VPS13B: variants seen among roughly 807,000 people sequenced by gnomAD.
VPS13B encodes the protein vacuolar protein sorting 13 homolog B.
In VPS13B, 285 loss-of-function variants were observed where a neutral mutation model predicts 426.4. The observed-to-expected ratio is 0.67, with a 90% confidence interval of 0.61 to 0.74. VPS13B has a LOEUF of 0.74. VPS13B is among the 30% of genes least tolerant of loss of function. VPS13B has a pLI of 0.00. For synonymous variants in VPS13B, 1,676 were observed against 1,676.4 expected (o/e 1.00, Z 0.01); for missense variants, 4,537 against 4,782.6 (o/e 0.95, Z 1.51).
chr8:99,730,278 C>T (rs1833538994), intron 39 of VPS13B, among the ~76,000 whole-genome samples: 1 of 152,150 alleles, frequency 6.6e-6, no homozygotes, highest in African/African-American at 2.4e-5. Context: ...ATAAAAAGGC[C>T]TGGGGGCTTT....
intron 17 of VPS13B, among the ~76,000 whole-genome samples, chr8:99,193,326 T>C (rs1813709181): frequency 6.6e-6 from 1 of 152,170 alleles, no homozygotes; most frequent in Non-Finnish European, 1.5e-5. Context: ...TGGATAACTT[T>C]TGAGGGTATC....
Position 99,720,985 on chromosome 8 carries a change from G to A in VPS13B, c.6988G>A (p.Val2330Ile), listed in dbSNP as rs1225625819. The change falls in exon 39 of 62, where the codon GTA becomes ATA. Residue 2330 changes from valine (V) to isoleucine (I), a missense_variant. Around this residue, in one of 2 missense-constraint regions of VPS13B, gnomAD observed 4,311 missense variants for 4,474.3 expected, o/e 0.96. Coordinates refer to ENST00000357162, the MANE Select transcript of VPS13B (RefSeq NM_152564.5). ...ACTCACCCTTGTACGAATAACTCCTGTACCTTTTAACACCACAGAGGATCC... is the reference window on the plus strand; with the variant it reads ...ACTCACCCTTGTACGAATAACTCCTATACCTTTTAACACCACAGAGGATCC... Reference protein sequence around the residue: ...RVLTLVRITPVPFNTTEDPDI... With the variant: ...RVLTLVRITPIPFNTTEDPDI... 9.9e-6 allele frequency: 16 copies of A among 1,613,956 alleles called. No homozygotes were observed. Among genetic ancestry groups the A allele is most frequent in the Non-Finnish European group, 1.3e-5 (15 of 1,179,940 alleles).
At chr8:99,730,451 CAAAG>C (rs967448723) in intron 39 of VPS13B, among the ~76,000 whole-genome samples, 5 of 151,832 alleles carry the variant, frequency 3.3e-5, no homozygotes, top group African/African-American at 9.7e-5. Context: ...TTTTTTTAGA[CAAAG>C]AAAAATCTAA....
At chr8:99,152,240 T>C (rs1176419576) in intron 14 of VPS13B, among the ~76,000 whole-genome samples, 1 of 152,242 alleles carries the variant, frequency 6.6e-6, no homozygotes, top group Non-Finnish European at 1.5e-5. Context: ...GTATTTTGTA[T>C]TTCTCTTGAG....
chr8:99,179,902 A>G (rs539317696), intron 16 of VPS13B, among the ~76,000 whole-genome samples: 15 of 152,186 alleles, frequency 9.9e-5, no homozygotes, highest in African/African-American at 2.9e-4. Flanking sequence ...TCTATCTCCT[A>G]TTAGCTCACA....
At chr8:99,095,081 C>T (rs1846351571) in intron 3 of VPS13B, among the ~76,000 whole-genome samples, 1 of 152,142 alleles carries the variant, frequency 6.6e-6, no homozygotes, top group Non-Finnish European at 1.5e-5. Context: ...TTTTAATTGA[C>T]TCCATGGTAA....
intron 19 of VPS13B, among the ~76,000 whole-genome samples, chr8:99,350,029 T>G (rs1811790662): frequency 6.6e-6 from 1 of 152,180 alleles, no homozygotes; most frequent in Non-Finnish European, 1.5e-5. Flanking sequence ...GTTATGAGAT[T>G]ATACAGTCAG....
rs763025605 is a variant in VPS13B, at chr8:99,111,100, A to C, written c.583A>C (p.Thr195Pro). 2 of 1,598,358 alleles carry C rather than the reference A, an allele frequency of 1.3e-6. No homozygotes were observed. Among genetic ancestry groups the C allele is most frequent in the Non-Finnish European group, 1.7e-6 (2 of 1,172,450 alleles). The change falls in exon 6 of 62, where the codon ACT (threonine) becomes CCT (proline). Residue 195 changes from threonine (T) to proline (P), a missense_variant and splice_region_variant. By Grantham distance (38) the Thr-to-Pro change is conservative (BLOSUM62 -1). Coordinates refer to ENST00000357162, the MANE Select transcript of VPS13B (RefSeq NM_152564.5). ...AAAATGTTTTTTTTTCTTTTTAGCA[A>C]CTGATTTGGTGCTGAGAAAGGTTAT... ...WDRAFMDISA[T>P]DLVLRKVINF... is the part of the protein sequence containing the mutation.
In VPS13B at chr8:99,875,101, G is replaced by A. The variant is rs557661842; in HGVS notation, c.11746-317G>A. The A allele has an allele frequency of 5.7e-5, 21 of 371,548 alleles. 1 individual carries two copies. The highest frequency in any genetic ancestry group is 5.3e-4 in the South Asian group (20 of 38,016). 23.0% of individuals were successfully genotyped at this position (371,548 alleles called of 1,614,324 possible). A position where few individuals can be genotyped will look rare whatever the true frequency, so the allele number is the denominator to read the frequency against. On this transcript the variant is annotated intron_variant, in intron 61 of 61. Transcript: ENST00000357162. Reference sequence around the variant, plus strand: ...CTTTTTTCTTGGGCTGGCTGCTAAAGAACAATGACAGATGTTTTAATGGTG... The same window carrying A: ...CTTTTTTCTTGGGCTGGCTGCTAAAAAACAATGACAGATGTTTTAATGGTG...
At chr8:99,015,150 T>C (rs1457236790) in intron 2 of VPS13B, among the ~76,000 whole-genome samples, 2 of 152,038 alleles carry the variant, frequency 1.3e-5, no homozygotes, top group East Asian at 1.9e-4. Flanking sequence ...TTGAGTGGCT[T>C]AATATTTAAT....
chr8:99,419,057 C>G (rs1477652426), intron 21 of VPS13B, among the ~76,000 whole-genome samples: 1 of 152,180 alleles, frequency 6.6e-6, no homozygotes, highest in African/African-American at 2.4e-5. Flanking sequence ...ACCCAAATCT[C>G]ATGTGGAATT....
At chr8:99,375,006 C>T (rs1813406343) in intron 19 of VPS13B, among the ~76,000 whole-genome samples, 1 of 152,184 alleles carries the variant, frequency 6.6e-6, no homozygotes, top group Admixed American at 6.5e-5. Context: ...TCCTGCTTCG[C>T]ACTCAGACTT....
intron 19 of VPS13B, among the ~76,000 whole-genome samples, chr8:99,329,564 A>G (rs1397235498): frequency 2.6e-5 from 4 of 152,076 alleles, no homozygotes; most frequent in African/African-American, 4.8e-5. Flanking sequence ...ATTCCAGATT[A>G]TAAATAAAAT....
intron 34 of VPS13B, among the ~76,000 whole-genome samples, chr8:99,657,432 A>T (rs1308147464): frequency 6.8e-6 from 1 of 147,540 alleles, no homozygotes; most frequent in African/African-American, 2.6e-5. Flanking sequence ...TATGTTTAGG[A>T]TCATCCTAGA....
chr8:99,328,524 G>T (rs954810687), intron 19 of VPS13B, among the ~76,000 whole-genome samples: 5 of 152,216 alleles, frequency 3.3e-5, no homozygotes, highest in South Asian at 2.1e-4. Flanking sequence ...GATACTCTCT[G>T]TTTCCAACTT....
chr8:99,458,001 G>GA (rs754613537), intron 23 of VPS13B, among the ~76,000 whole-genome samples: 3 of 151,682 alleles, frequency 2.0e-5, no homozygotes, highest in African/African-American at 4.8e-5. Context: ...GTGCCATGTT[G>GA]GTGTGCTGCA....
rs1218554488 is a variant in VPS13B at position 99,639,627 on chromosome 8, TA to T, written c.5221-2183del. On this transcript the variant is annotated intron_variant, in intron 33 of 61. Coordinates refer to ENST00000357162, the MANE Select transcript of VPS13B (RefSeq NM_152564.5). The stretch of plus-strand genomic sequence containing the variant: ...ACTTATTTATTCTTACATAAGTTGT[TA>T]TATATATATAAGTTATTGCATATAT... Among the ~76,000 whole-genome samples, 17 of 148,496 alleles carry T rather than the reference TA, an allele frequency of 1.1e-4. No individual in the cohort carries two copies. In the East Asian group the frequency reaches 3.3e-3, roughly 29 times the overall value.
intron 44 of VPS13B, among the ~76,000 whole-genome samples, chr8:99,816,573 G>C (rs887703988): frequency 3.9e-5 from 6 of 152,080 alleles, no homozygotes; most frequent in Non-Finnish European, 8.8e-5. Flanking sequence ...TGGGAGGCTG[G>C]GGTGTGAAGA....
chr8:99,304,152 G>C (rs928973205), intron 19 of VPS13B, among the ~76,000 whole-genome samples: 2 of 152,062 alleles, frequency 1.3e-5, no homozygotes, highest in African/African-American at 4.8e-5. Flanking sequence ...ATCTGTCTCA[G>C]GGTTGTCATG....
Sources: allele counts gnomAD v4.1 joint callset (sites outside exome capture counted in the v4.1 genomes callset), GRCh38; gene constraint gnomAD v4.1.1; regional missense constraint gnomAD v4.1.1; transcripts MANE v1.5; gene names NCBI Gene and HGNC (gene_info 2026-07-23, HGNC 2026-07-21).